SPATA13: variants seen among roughly 807,000 people sequenced by gnomAD.
The protein encoded by SPATA13 is spermatogenesis-associated protein 13.
In SPATA13, 50 loss-of-function variants were observed where a neutral mutation model predicts 104.0. That is an observed-to-expected ratio of 0.48 (90% confidence interval 0.38 to 0.61). SPATA13 has a LOEUF of 0.61. SPATA13 is among the 20% of genes least tolerant of loss of function. SPATA13 has a pLI of 0.00. For synonymous variants in SPATA13, 606 were observed against 667.5 expected, an observed-to-expected ratio of 0.91 and a Z score of 1.42; for missense variants, 1,524 against 1,690.6, an observed-to-expected ratio of 0.90 and a Z score of 1.73.
chr13:24,234,696 A>G (rs1446988368), intron 2 of SPATA13, among the ~76,000 whole-genome samples: 1 of 152,198 alleles, frequency 6.6e-6, no homozygotes, highest in Admixed American at 6.5e-5. Context: ...GACTTCAGGG[A>G]GTCAACTGGT....
In SPATA13 at chr13:24,208,072, A is replaced by G. The variant is rs1015741807; in HGVS notation, c.-111-14747A>G. Among the ~76,000 whole-genome samples the G allele has an allele frequency of 2.6e-5, 4 of 152,214 alleles. No individual in the cohort carries two copies. In the East Asian group the frequency reaches 7.7e-4, roughly 29 times the overall value. ...GCCGCTGAAAGAGCTTTCGGCAGGG[A>G]AGGGACGAGCCTTGTTCTTGTCAAA... On this transcript the variant is annotated intron_variant, in intron 1 of 12. Transcript: ENST00000382108.
At chr13:24,145,977 A>G (rs1257873494) in intron 3 of SPATA13, among the ~76,000 whole-genome samples, 1 of 152,198 alleles carries the variant, frequency 6.6e-6, no homozygotes. Flanking sequence ...GCGGGGGCCA[A>G]TCTGTCTGCA....
At chr13:24,052,488 T>A (rs560314076) in intron 3 of SPATA13, among the ~76,000 whole-genome samples, 2 of 92,092 alleles carry the variant, frequency 2.2e-5, no homozygotes, top group Admixed American at 1.5e-4. Context: ...AAAAGAAATA[T>A]ATGTTTTTTT....
chr13:24,277,288 CAAAA>C (rs1875066409), intron 4 of SPATA13, among the ~76,000 whole-genome samples: 1 of 151,698 alleles, frequency 6.6e-6, no homozygotes, highest in Non-Finnish European at 1.5e-5. Flanking sequence ...ACTAAAAATA[CAAAA>C]AATTAGCTGG....
chr13:24,252,908 G>A (rs1051449813), intron 4 of SPATA13: 1 of 152,240 alleles, frequency 6.6e-6, no homozygotes, highest in African/African-American at 2.4e-5. Flanking sequence ...ACTGTCCCAG[G>A]AGCTAGTGAG....
chr13:24,198,952 T>TG (rs10622946), intron 1 of SPATA13, among the ~76,000 whole-genome samples: 1 of 23,342 alleles, frequency 4.3e-5, no homozygotes, highest in African/African-American at 8.1e-5. Flanking sequence ...CTATAAAATC[T>TG]TTTTTTTTTT....
rs549509191 is a variant in SPATA13 at position 24,080,809 on chromosome 13, G to A, written c.-112+63108G>A. On this transcript the variant is annotated intron_variant, in intron 3 of 14. Coordinates refer to the SPATA13 transcript ENST00000424834. Reference sequence around the variant, plus strand: ...AATGTTGTGCATTACTGTATGCCTCGTGGGCTGTTCTTTAATCATTTTGTT... The same window carrying A: ...AATGTTGTGCATTACTGTATGCCTCATGGGCTGTTCTTTAATCATTTTGTT... Among the ~76,000 whole-genome samples the A allele has an allele frequency of 6.5e-4, 99 of 152,256 alleles. 1 individual carries two copies. The highest frequency in any genetic ancestry group is 2.3e-3 in the African/African-American group (95 of 41,542).
intron 2 of SPATA13, 92 bp downstream of exon 2, chr13:24,224,674 G>A: frequency 4.4e-6 from 6 of 1,350,278 alleles, no homozygotes; most frequent in Non-Finnish European, 6.1e-6. Context: ...ACCTGTCAAG[G>A]TCAGTGGCCC....
At chr13:24,052,315 G>A (rs183540191) in intron 3 of SPATA13, among the ~76,000 whole-genome samples, 204 of 152,188 alleles carry the variant, frequency 1.3e-3, no homozygotes, top group African/African-American at 4.7e-3. Flanking sequence ...GAGGCCAGAG[G>A]ATTGCTTGAG....
chr13:24,120,205 A>T (rs79595411), intron 3 of SPATA13, among the ~76,000 whole-genome samples: 3 of 146,476 alleles, frequency 2.0e-5, no homozygotes, highest in African/African-American at 8.3e-5. Flanking sequence ...TCTGAAAAAA[A>T]AATCAGGATT....
chr13:24,029,829 T>C (rs981335822), intron 3 of SPATA13, among the ~76,000 whole-genome samples: 2 of 152,134 alleles, frequency 1.3e-5, no homozygotes, highest in Admixed American at 6.5e-5. Flanking sequence ...TAGGTGTCTA[T>C]ATGTTCTCAT....
chr13:24,288,043 G>A (rs1876086935), intron 7 of SPATA13, among the ~76,000 whole-genome samples: 1 of 152,202 alleles, frequency 6.6e-6, no homozygotes, highest in African/African-American at 2.4e-5. Context: ...ATCTCGTTCT[G>A]TATGAGTGTG....
chr13:24,190,315 TATA>T lies in SPATA13; in HGVS notation c.-112+29387_-112+29389del, dbSNP rs1375193738. Reference sequence around the variant, plus strand: ...ATATTATATATTATTATATATAATATATAATATTATATATTATTATATATAATA... The same window carrying T: ...ATATTATATATTATTATATATAATATATATTATATATTATTATATATAATA... On this transcript the variant is annotated intron_variant, in intron 1 of 12. Transcript: ENST00000382108. Among the ~76,000 whole-genome samples the T allele has an allele frequency of 2.7e-3, 24 of 8,832 alleles. 6 individuals are homozygous for T. The highest frequency in any genetic ancestry group is 3.1e-3 in the African/African-American group (24 of 7,762). 5.8% of individuals were successfully genotyped at this position (8,832 alleles called of 152,430 possible).
chr13:24,202,633 T>TAA (rs1187416814), intron 1 of SPATA13, among the ~76,000 whole-genome samples: 81 of 150,712 alleles, frequency 5.4e-4, no homozygotes, highest in African/African-American at 1.7e-3. Context: ...AAAATGGAAT[T>TAA]AAAAAGCCTG....
intron 4 of SPATA13, chr13:24,270,819 C>G (rs1173443630): frequency 6.2e-7 from 1 of 1,612,772 alleles, no homozygotes; most frequent in African/African-American, 1.3e-5. Flanking sequence ...GGTCACACCC[C>G]AGTCCTGCTC....
intron 4 of SPATA13, among the ~76,000 whole-genome samples, chr13:24,254,783 C>T (rs1873699088): frequency 6.6e-6 from 1 of 151,784 alleles, no homozygotes. Flanking sequence ...GCTTGGCATC[C>T]ATTTTTGCCA....
At chr13:24,008,069 C>T (rs1249506140) in intron 2 of SPATA13, among the ~76,000 whole-genome samples, 2 of 152,150 alleles carry the variant, frequency 1.3e-5, no homozygotes, top group Admixed American at 6.5e-5. Context: ...TCATGGGAGC[C>T]GAACCACCCA....
chr13:24,009,995 G>A (rs1461813490), intron 2 of SPATA13, among the ~76,000 whole-genome samples: 2 of 152,178 alleles, frequency 1.3e-5, no homozygotes, highest in Admixed American at 1.3e-4. Context: ...TGTGCACAAG[G>A]CAGTTAGGGT....
At chr13:24,033,416 C>T (rs1047832881) in intron 3 of SPATA13, 1 of 152,210 alleles carries the variant, frequency 6.6e-6, no homozygotes, top group East Asian at 1.9e-4. Context: ...GATGAACTCT[C>T]CTTTTCTATT....
Sources: allele counts gnomAD v4.1 joint callset (sites outside exome capture counted in the v4.1 genomes callset), GRCh38; gene constraint gnomAD v4.1.1; transcripts MANE v1.5; gene names NCBI Gene and HGNC (gene_info 2026-07-23, HGNC 2026-07-21).